NUP160: variants seen among roughly 807,000 people sequenced by gnomAD.
NUP160 encodes the protein nuclear pore complex protein Nup160.
In NUP160, 94 loss-of-function variants were observed where a neutral mutation model predicts 196.9. That is an observed-to-expected ratio of 0.48 (90% CI 0.40 to 0.57). The LOEUF is 0.57. Among genes scored for constraint, NUP160 ranks in the 20% least tolerant of loss-of-function variants. The pLI, the probability that NUP160 is intolerant of heterozygous loss-of-function variation, is 0.00. For missense variants in NUP160, 1,638 were observed against 1,748.3 expected (o/e 0.94, Z 1.13); for synonymous variants, 605 against 619.7 (o/e 0.98, Z 0.35).
At chr11:47,828,386 T>C (rs1466600801) in intron 7 of NUP160, among the ~76,000 whole-genome samples, 3 of 152,164 alleles carry the variant, frequency 2.0e-5, no homozygotes, top group African/African-American at 2.4e-5. Flanking sequence ...TCATTTACAA[T>C]AGCATCAAAA....
chr11:47,848,411 GGT>G lies in NUP160; in HGVS notation c.8_9del (p.His3ProfsTer49), dbSNP rs1293148990. ...GGTGGGGCGGGCGGAGCTGCGGACA[GGT>G]GAAGCATTCCGGGAGCAGAAAGGCG... On this transcript the variant is annotated frameshift_variant, in exon 1 of 36. Coordinates refer to ENST00000378460, the Ensembl canonical transcript of NUP160. LOFTEE classifies it high-confidence loss of function. 3 of 1,576,182 alleles carry G rather than the reference GGT, an allele frequency of 1.9e-6. No homozygotes were observed. Among genetic ancestry groups the G allele is most frequent in the Non-Finnish European group, 2.6e-6 (3 of 1,164,408 alleles).
At chr11:47,779,520 C>T (rs555547976) in intron 35 of NUP160, 70 of 510,944 alleles carry the variant, frequency 1.4e-4, no homozygotes, top group African/African-American at 1.3e-3. Context: ...TTATTAGCTG[C>T]CAAGTGAAAT....
rs141836339 is a variant in NUP160 at position 47,791,753 on chromosome 11, T to C, written c.3511+177A>G. 6.1e-3 allele frequency among the ~76,000 whole-genome samples: 936 copies of C among 152,336 alleles called. 7 individuals carry two copies. The highest frequency in any genetic ancestry group is 0.01 in the Middle Eastern group (3 of 294). Reference sequence around the variant, plus strand: ...TACTTATTGAAAACAAAAATCTGTGTATAATAGGTGCCTGCAGTTAAAACT... The same window carrying C: ...TACTTATTGAAAACAAAAATCTGTGCATAATAGGTGCCTGCAGTTAAAACT... On this transcript the variant is annotated intron_variant, in intron 29 of 35. Coordinates refer to ENST00000378460, the Ensembl canonical transcript of NUP160.
At chr11:47,815,869 G>T in intron 12 of NUP160, 77 bp downstream of exon 12, 1 of 1,166,972 alleles carries the variant, frequency 8.6e-7, no homozygotes, top group Non-Finnish European at 1.2e-6. Context: ...AAGAATTCCA[G>T]TAATTCCTCG....
At chr11:47,840,266 G>A (rs1350570552) in intron 3 of NUP160, 112 bp downstream of exon 3, 10 of 964,540 alleles carry the variant, frequency 1.0e-5, no homozygotes, top group Non-Finnish European at 1.2e-5. Flanking sequence ...GCTTGGTGAG[G>A]GATAACGAGA....
intron 23 of NUP160, 108 bp from the exon 24 acceptor site, chr11:47,798,571 C>T: frequency 1.5e-6 from 1 of 663,242 alleles, no homozygotes; most frequent in Non-Finnish European, 2.7e-6. Flanking sequence ...GGCATGGTGG[C>T]TCACACCTCC....
intron 29 of NUP160, among the ~76,000 whole-genome samples, chr11:47,789,108 C>T (rs1390248620): frequency 6.6e-6 from 1 of 152,050 alleles, no homozygotes; most frequent in Non-Finnish European, 1.5e-5. Flanking sequence ...AACTCCTGAC[C>T]TCAGGTGATC....
intron 11 of NUP160, among the ~76,000 whole-genome samples, chr11:47,817,137 G>C (rs1186689363): frequency 1.3e-5 from 2 of 151,392 alleles, no homozygotes; most frequent in Admixed American, 1.3e-4. Context: ...CACCACACCT[G>C]GCTATTTTTC....
intron 23 of NUP160, among the ~76,000 whole-genome samples, chr11:47,799,530 TAA>T (rs2097672931): frequency 1.3e-5 from 2 of 152,198 alleles, no homozygotes; most frequent in East Asian, 1.9e-4. Flanking sequence ...GAAGATAAAA[TAA>T]AAAGTTTTAA....
chr11:47,783,026 T>C, intron 34 of NUP160, 47 bp downstream of exon 34: 1 of 1,529,234 alleles, frequency 6.5e-7, no homozygotes, highest in Non-Finnish European at 9.0e-7. Context: ...AGTTGAAAAA[T>C]CGTAAGTCAA....
In NUP160 at chr11:47,815,953, T is replaced by C. The variant is rs1194555666; in HGVS notation, c.1508A>G (p.Glu503Gly). ...TCTCTACCCAAGCCTCACCTCATTTTCAACAGCTAAAGTAACTTCTTTCTT... is the reference window on the plus strand; with the variant it reads ...TCTCTACCCAAGCCTCACCTCATTTCCAACAGCTAAAGTAACTTCTTTCTT... Residue 503 changes from glutamate to glycine, a missense_variant, in exon 12 of 36, where the codon GAA becomes GGA. Glu to Gly is a moderately conservative substitution (Grantham distance 98, BLOSUM62 -2). Coordinates refer to ENST00000378460, the Ensembl canonical transcript of NUP160. The C allele has an allele frequency of 6.2e-7, 1 of 1,612,358 alleles. No homozygotes were observed. The highest frequency in any genetic ancestry group is 2.2e-5 in the East Asian group (1 of 44,828).
At chr11:47,798,544 G>A (rs2097672230) in intron 23 of NUP160, 81 bp from the exon 24 acceptor site, 1 of 807,208 alleles carries the variant, frequency 1.2e-6, no homozygotes, top group Admixed American at 2.2e-5. Context: ...AAATTATTGA[G>A]AAAGGTTAAG....
At chr11:47,782,043 G>A (rs575372961) in intron 34 of NUP160, among the ~76,000 whole-genome samples, 9 of 151,988 alleles carry the variant, frequency 5.9e-5, no homozygotes, top group Non-Finnish European at 1.0e-4. Flanking sequence ...CACTTTGGGA[G>A]GCCGAGGTGG....
intron 7 of NUP160, among the ~76,000 whole-genome samples, chr11:47,831,743 TGAGGCAGGGGAACTGCTTGAACCTGG>T: frequency 6.8e-6 from 1 of 147,252 alleles, no homozygotes; most frequent in Middle Eastern, 3.5e-3. Context: ...CTTGGGAAGC[TGAGGCAGGGGAACTGCTTGAACCTGG>T]GAGGCAGAGG....
In NUP160 at chr11:47,788,308, G is replaced by A; in HGVS notation, c.3623-3C>T. On this transcript the variant is annotated splice_polypyrimidine_tract_variant and splice_region_variant and intron_variant, in intron 30 of 35. Coordinates refer to ENST00000378460, the Ensembl canonical transcript of NUP160. ...CATTTCCTCTGCTGATGAACTTCCT[G>A]TGAAAATGGAAAAAGATTATTTCGT... The A allele has an allele frequency of 6.2e-7, 1 of 1,613,234 alleles. No individual in the cohort carries two copies. The highest frequency in any genetic ancestry group is 8.5e-7 in the Non-Finnish European group (1 of 1,179,800).
intron 7 of NUP160, among the ~76,000 whole-genome samples, chr11:47,825,554 G>A (rs758885840): frequency 6.6e-6 from 1 of 151,098 alleles, no homozygotes; most frequent in Non-Finnish European, 1.5e-5. Flanking sequence ...CTGGGTTCAA[G>A]CAATTCTCCT....
At chr11:47,780,255 T>G in intron 35 of NUP160, 88 bp downstream of exon 35, 1 of 949,104 alleles carries the variant, frequency 1.1e-6, no homozygotes, top group Non-Finnish European at 1.7e-6. Flanking sequence ...CTTCCCTTTC[T>G]AATCCCGGAG....
At chr11:47,834,892 G>C (rs1852145100) in intron 7 of NUP160, among the ~76,000 whole-genome samples, 2 of 152,238 alleles carry the variant, frequency 1.3e-5, no homozygotes, top group Non-Finnish European at 2.9e-5. Flanking sequence ...AACTCAGGTT[G>C]GGTGAGGAGG....
exon 1 of NUP160, chr11:47,848,339 G>C: frequency 6.2e-7 from 1 of 1,613,332 alleles, no homozygotes; most frequent in Non-Finnish European, 8.5e-7. Context: ...TCGCCGCGAC[G>C]CCCAACGGAA....
Sources: allele counts gnomAD v4.1 joint callset (sites outside exome capture counted in the v4.1 genomes callset), GRCh38; gene constraint gnomAD v4.1.1; transcripts MANE v1.5; gene names NCBI Gene and HGNC (gene_info 2026-07-23, HGNC 2026-07-21).